The following DEUP1 variants were observed in gnomAD, a reference collection of about 807,000 sequenced individuals.
DEUP1 encodes the protein coiled-coil domain containing 67.
In DEUP1, 82 loss-of-function variants were observed where a neutral mutation model predicts 87.4. That is an observed-to-expected ratio of 0.94 (90% CI 0.78 to 1.13). The LOEUF (loss-of-function observed/expected upper bound fraction) is 1.13. DEUP1 is among the 50% of genes most tolerant of loss of function. DEUP1 has a pLI of 0.00. For synonymous variants in DEUP1, 214 were observed against 222.7 expected, an observed-to-expected ratio of 0.96 and a Z score of 0.35; for missense variants, 663 against 681.5, an observed-to-expected ratio of 0.97 and a Z score of 0.30.
At chr11:93,415,164 A>G (rs1947571297) in intron 13 of DEUP1, 50 bp downstream of exon 13, 1 of 1,056,090 alleles carries the variant, frequency 9.5e-7, no homozygotes, top group East Asian at 2.4e-5. Context: ...TTATTGCTTT[A>G]CTCTTACACT....
chr11:93,353,134 T>C (rs1438491917), intron 2 of DEUP1, among the ~76,000 whole-genome samples: 1 of 152,050 alleles, frequency 6.6e-6, no homozygotes, highest in Non-Finnish European at 1.5e-5. Context: ...CTAGATATAA[T>C]AGGGGTACAG....
chr11:93,416,231 A>G (rs1161801718), intron 13 of DEUP1, among the ~76,000 whole-genome samples: 1 of 152,206 alleles, frequency 6.6e-6, no homozygotes, highest in Non-Finnish European at 1.5e-5. Flanking sequence ...CAAAAAATTA[A>G]TGAATCCAGG....
At chr11:93,418,942 A>G (rs976724677) in intron 13 of DEUP1, among the ~76,000 whole-genome samples, 85 of 150,912 alleles carry the variant, frequency 5.6e-4, no homozygotes, top group African/African-American at 2.1e-3. Context: ...ACAAAAAACC[A>G]AACACTGCAT....
At chr11:93,417,845 G>A (rs1947701186) in intron 13 of DEUP1, among the ~76,000 whole-genome samples, 4 of 152,136 alleles carry the variant, frequency 2.6e-5, no homozygotes, top group Non-Finnish European at 5.9e-5. Context: ...ATAGATCAAT[G>A]GAACATAACA....
chr11:93,418,053 C>A (rs139797667), intron 13 of DEUP1, among the ~76,000 whole-genome samples: 1 of 151,958 alleles, frequency 6.6e-6, no homozygotes, highest in African/African-American at 2.4e-5. Flanking sequence ...AAGACTTAAA[C>A]GGTAGACCTA....
At chr11:93,343,726 G>T (rs531781180) in intron 2 of DEUP1, among the ~76,000 whole-genome samples, 1 of 152,158 alleles carries the variant, frequency 6.6e-6, no homozygotes, top group African/African-American at 2.4e-5. Context: ...CTATAATTCT[G>T]ATAAAACAAT....
At chr11:93,365,344 T>TA (rs1182096755) in intron 5 of DEUP1, among the ~76,000 whole-genome samples, 1 of 152,116 alleles carries the variant, frequency 6.6e-6, no homozygotes, top group African/African-American at 2.4e-5. Context: ...AAAACAAACT[T>TA]ACCATCACTA....
intron 11 of DEUP1, among the ~76,000 whole-genome samples, chr11:93,401,323 C>T (rs2134390962): frequency 6.6e-6 from 1 of 152,132 alleles, no homozygotes; most frequent in African/African-American, 2.4e-5. Flanking sequence ...ATATTCCATT[C>T]TCATGTATTG....
chr11:93,337,415 T>TATAGTA (rs55704148), intron 2 of DEUP1, among the ~76,000 whole-genome samples: 50,397 of 151,726 alleles, frequency 0.33, 8,711 homozygotes, highest in Non-Finnish European at 0.4. Flanking sequence ...CTGAATAAAT[T>TATAGTA]ATATATTATT....
chr11:93,338,203 T>C (rs1362268279), intron 2 of DEUP1, among the ~76,000 whole-genome samples: 1 of 152,064 alleles, frequency 6.6e-6, no homozygotes, highest in African/African-American at 2.4e-5. Flanking sequence ...AAAGGAGAAA[T>C]AGAGACAAAA....
chr11:93,400,598 G>A (rs11020310), intron 11 of DEUP1, among the ~76,000 whole-genome samples: 2,250 of 152,208 alleles, frequency 0.015, 21 homozygotes, highest in East Asian at 0.058. Flanking sequence ...CTGAGGTACC[G>A]AGGGTTAGGA....
chr11:93,331,117 C>T (rs947875569), intron 1 of DEUP1, among the ~76,000 whole-genome samples: 2 of 152,316 alleles, frequency 1.3e-5, no homozygotes, highest in Non-Finnish European at 2.9e-5. Flanking sequence ...TTGGTCTGCT[C>T]CTTCTGGTCA....
chr11:93,407,634 C>T (rs1339642579), intron 11 of DEUP1, among the ~76,000 whole-genome samples: 2 of 152,020 alleles, frequency 1.3e-5, no homozygotes, highest in Non-Finnish European at 2.9e-5. Context: ...TTATTTTGTT[C>T]TTAATACCTT....
chr11:93,418,012 C>G (rs1947708288), intron 13 of DEUP1, among the ~76,000 whole-genome samples: 1 of 151,898 alleles, frequency 6.6e-6, no homozygotes, highest in South Asian at 2.1e-4. Context: ...CTTCCTTATA[C>G]CTTATACAAA....
chr11:93,332,117 A>T (rs1221083300), intron 1 of DEUP1, 99 bp from the exon 2 acceptor site: 1 of 643,588 alleles, frequency 1.6e-6, no homozygotes, highest in Non-Finnish European at 2.7e-6. Flanking sequence ...ACACAGAAAA[A>T]CTCATACTAA....
chr11:93,336,228 G>C (rs1405155047), intron 2 of DEUP1, among the ~76,000 whole-genome samples: 2 of 152,102 alleles, frequency 1.3e-5, no homozygotes, highest in Admixed American at 6.5e-5. Context: ...GTTTTATGTG[G>C]CCAGAGCAGG....
intron 13 of DEUP1, among the ~76,000 whole-genome samples, chr11:93,433,521 AAATC>A (rs536059370): frequency 2.6e-3 from 400 of 152,278 alleles, no homozygotes; most frequent in African/African-American, 9.1e-3. Flanking sequence ...CACTGTCTCT[AAATC>A]AATCAATCAA....
chr11:93,394,751 C>A, intron 10 of DEUP1, 95 bp downstream of exon 10: 1 of 816,622 alleles, frequency 1.2e-6, no homozygotes, highest in Non-Finnish European at 1.8e-6. Flanking sequence ...CATTACATTT[C>A]TTGGTATTAT....
At chr11:93,419,265 G>T (rs1048040833) in intron 13 of DEUP1, among the ~76,000 whole-genome samples, 4 of 151,754 alleles carry the variant, frequency 2.6e-5, no homozygotes, top group Admixed American at 2.6e-4. Flanking sequence ...CAGACCCAAG[G>T]CTTATACAGC....
Sources: gnomAD v4.1 joint callset for allele counts (sites outside exome capture counted in the v4.1 genomes callset) on GRCh38, gnomAD v4.1.1 for gene constraint, MANE v1.5 for transcripts, NCBI Gene and HGNC (gene_info 2026-07-23, HGNC 2026-07-21) for gene names.